The following PTDSS1 variants were observed in gnomAD, a reference collection of about 807,000 sequenced individuals.
PTDSS1 encodes PSS-1.
A neutral mutation model predicts 70.5 loss-of-function variants in PTDSS1; 45 were observed. The observed-to-expected ratio is 0.64, with a 90% confidence interval of 0.50 to 0.82. The LOEUF is 0.82. PTDSS1 is among the 40% of genes least tolerant of loss of function. PTDSS1 has a pLI of 0.00. For missense variants in PTDSS1, 417 were observed against 586.1 expected, an observed-to-expected ratio of 0.71 and a Z score of 2.98; for synonymous variants, 188 against 203.8, an observed-to-expected ratio of 0.92 and a Z score of 0.66.
chr8:96,290,876 AT>A (rs1338440841), intron 4 of PTDSS1, among the ~76,000 whole-genome samples: 1 of 147,912 alleles, frequency 6.8e-6, no homozygotes, highest in Non-Finnish European at 1.5e-5. Context: ...ATAAATATTC[AT>A]AAAATATATA....
At position 96,265,337 on chromosome 8, in the gene PTDSS1, C is replaced by G. The variant is rs146876901; in HGVS notation, c.179+3118C>G. Among the ~76,000 whole-genome samples the G allele has an allele frequency of 2.0e-3, 308 of 152,256 alleles. 2 individuals carry two copies. The highest frequency in any genetic ancestry group is 6.7e-3 in the African/African-American group (279 of 41,550). Reference sequence around the variant, plus strand: ...GGGTACTGTCACATGCTTCAGAGATCCAGCAAGAATTTAAAATTACAGAGG... The same window carrying G: ...GGGTACTGTCACATGCTTCAGAGATGCAGCAAGAATTTAAAATTACAGAGG... On this transcript the variant is annotated intron_variant, in intron 1 of 12. Coordinates refer to ENST00000517309, the MANE Select transcript of PTDSS1 (RefSeq NM_014754.3).
chr8:96,285,837 T>A (rs1053819292), intron 3 of PTDSS1, among the ~76,000 whole-genome samples: 8 of 152,156 alleles, frequency 5.3e-5, no homozygotes, highest in African/African-American at 1.9e-4. Context: ...AATGTAATTA[T>A]TCAAGAGGAT....
chr8:96,330,095 T>A (rs1052789248), intron 10 of PTDSS1, 118 bp from the exon 11 acceptor site: 1 of 947,162 alleles, frequency 1.1e-6, no homozygotes, highest in African/African-American at 1.6e-5. Context: ...AGCCGTTTTG[T>A]AACCGGCGTC....
intron 1 of PTDSS1, among the ~76,000 whole-genome samples, chr8:96,264,071 CAG>C: frequency 6.6e-6 from 1 of 152,314 alleles, no homozygotes; most frequent in Non-Finnish European, 1.5e-5. Flanking sequence ...AGGTGAAGAC[CAG>C]ACCTTTCCAC....
chr8:96,330,781 C>T (rs1165613267), intron 11 of PTDSS1: 1 of 498,652 alleles, frequency 2.0e-6, no homozygotes, highest in South Asian at 3.0e-5. Flanking sequence ...ACACTTTCAT[C>T]CTTTATTTAC....
At chr8:96,283,020 G>A (rs1810763425) in intron 2 of PTDSS1, among the ~76,000 whole-genome samples, 1 of 152,208 alleles carries the variant, frequency 6.6e-6, no homozygotes, top group African/African-American at 2.4e-5. Flanking sequence ...GCTATGGTCT[G>A]CCCCAGTGTC....
chr8:96,303,181 G>A (rs756228852), intron 6 of PTDSS1, among the ~76,000 whole-genome samples: 3 of 152,130 alleles, frequency 2.0e-5, no homozygotes, highest in Non-Finnish European at 4.4e-5. Flanking sequence ...TATTTTTACA[G>A]TACAAGTCTT....
At chr8:96,288,317 A>G (rs776395555) in intron 4 of PTDSS1, among the ~76,000 whole-genome samples, 6 of 152,092 alleles carry the variant, frequency 3.9e-5, no homozygotes, top group Non-Finnish European at 7.4e-5. Flanking sequence ...TATGGAGACT[A>G]TCGCATAGGC....
intron 2 of PTDSS1, among the ~76,000 whole-genome samples, chr8:96,273,833 A>G (rs1309408728): frequency 1.3e-5 from 2 of 152,236 alleles, no homozygotes; most frequent in East Asian, 3.8e-4. Context: ...AAGTTGTCCC[A>G]AGTGATCTTT....
chr8:96,276,671 G>A lies in PTDSS1; in HGVS notation c.271+3281G>A, dbSNP rs545124646. Among the ~76,000 whole-genome samples the A allele has an allele frequency of 5.3e-5, 8 of 152,268 alleles. No homozygotes were observed. In the South Asian group the frequency reaches 1.7e-3, roughly 32 times the overall value. ...TATCTCATATTAGGTCCATTGCAAG[G>A]TGCTTTATCTCTGGCTTTCTCCATA... On this transcript the variant is annotated intron_variant, in intron 2 of 12. Coordinates refer to ENST00000517309, the MANE Select transcript of PTDSS1 (RefSeq NM_014754.3).
intron 9 of PTDSS1, among the ~76,000 whole-genome samples, chr8:96,313,969 C>G (rs1811248065): frequency 6.6e-6 from 1 of 152,202 alleles, no homozygotes; most frequent in Non-Finnish European, 1.5e-5. Flanking sequence ...ACCCCTCTCT[C>G]CTCCTTACAA....
intron 2 of PTDSS1, 135 bp downstream of exon 2, chr8:96,273,525 G>A: frequency 1.5e-6 from 1 of 654,710 alleles, no homozygotes; most frequent in South Asian, 2.1e-5. Flanking sequence ...AGGCTCTGGA[G>A]GCAGACTGCC....
chr8:96,309,679 G>A, intron 9 of PTDSS1, 57 bp downstream of exon 9: 1 of 1,562,976 alleles, frequency 6.4e-7, no homozygotes, highest in East Asian at 2.2e-5. Context: ...ATTTTATTTG[G>A]GTATTTCTTG....
intron 2 of PTDSS1, among the ~76,000 whole-genome samples, chr8:96,282,514 C>T (rs1348998857): frequency 2.0e-5 from 3 of 152,162 alleles, no homozygotes; most frequent in East Asian, 3.9e-4. Context: ...TCACTACCTG[C>T]CATCCAAAAC....
Position 96,309,638 on chromosome 8 carries a change from T to C in PTDSS1, c.1073+16T>C. 1.2e-6 allele frequency: 2 copies of C among 1,613,620 alleles called. No individual in the cohort carries two copies. Among genetic ancestry groups the C allele is most frequent in the Middle Eastern group, 1.6e-4 (1 of 6,062 alleles). ...GGGTGTTTGGGTGAGTAATCTGTTA[T>C]TGTGGAGATTTAAAAACCACTTAAG... On this transcript the variant is annotated intron_variant, in intron 9 of 12. Transcript: ENST00000517309.
chr8:96,333,649 G>C lies in PTDSS1; in HGVS notation c.*83G>C. On this transcript the variant is annotated 3_prime_UTR_variant, in exon 13 of 13. Coordinates refer to ENST00000517309, the MANE Select transcript of PTDSS1 (RefSeq NM_014754.3). ...CTCATTTGGAACTCCCCGTGAGGAG[G>C]TCGAGGCGCACAGGGCAAGCAGGAA... The C allele has an allele frequency of 7.5e-7, 1 of 1,333,894 alleles. No individual in the cohort carries two copies. Among genetic ancestry groups the C allele is most frequent in the Non-Finnish European group, 1.1e-6 (1 of 927,130 alleles). The allele number at this position is 1,333,894 out of a possible 1,614,324, so 82.6% of individuals were successfully genotyped here.
chr8:96,282,054 A>G (rs913703582), intron 2 of PTDSS1, among the ~76,000 whole-genome samples: 1 of 152,236 alleles, frequency 6.6e-6, no homozygotes, highest in Non-Finnish European at 1.5e-5. Context: ...CACAAGCCAA[A>G]TAATAGGTCA....
intron 5 of PTDSS1, among the ~76,000 whole-genome samples, chr8:96,298,169 G>A (rs571538886): frequency 6.6e-6 from 1 of 152,276 alleles, no homozygotes; most frequent in South Asian, 2.1e-4. Flanking sequence ...TTCAAGGGTA[G>A]TACCAGGCCC....
At chr8:96,305,434 T>G (rs1811108839) in intron 7 of PTDSS1, among the ~76,000 whole-genome samples, 1 of 152,212 alleles carries the variant, frequency 6.6e-6, no homozygotes. Flanking sequence ...CACCCCTTGT[T>G]TGCTACCTGG....
Sources: gnomAD v4.1 joint callset for allele counts (sites outside exome capture counted in the v4.1 genomes callset) on GRCh38, gnomAD v4.1.1 for gene constraint, MANE v1.5 for transcripts, NCBI Gene and HGNC (gene_info 2026-07-23, HGNC 2026-07-21) for gene names.